The following LRRFIP1 variants were observed in gnomAD, a reference collection of about 807,000 sequenced individuals.
The protein encoded by LRRFIP1 is LRR binding FLII interacting protein 1, also known as leucine-rich repeat flightless-interacting protein 1.
Under a neutral mutation model 104.4 loss-of-function variants are expected in LRRFIP1, and 62 were observed. The ratio of observed to expected loss-of-function variants is 0.59; its 90% CI spans 0.48 to 0.73. The LOEUF is 0.73. Among genes scored for constraint, LRRFIP1 ranks in the 30% least tolerant of loss-of-function variants. LRRFIP1 has a pLI of 0.00. For missense variants in LRRFIP1, 796 were observed against 824.5 expected (o/e 0.97, Z 0.42); for synonymous variants, 300 against 299.0 (o/e 1.00, Z -0.03).
chr2:237,741,464 A>C (rs1049851867), intron 11 of LRRFIP1, among the ~76,000 whole-genome samples: 2 of 152,230 alleles, frequency 1.3e-5, no homozygotes, highest in Non-Finnish European at 2.9e-5. Flanking sequence ...AACTACCAGG[A>C]AGAAACATTT....
chr2:237,771,765 G>A (rs756379298), intron 20 of LRRFIP1, among the ~76,000 whole-genome samples: 1 of 152,042 alleles, frequency 6.6e-6, no homozygotes, highest in Non-Finnish European at 1.5e-5. Flanking sequence ...GGCCCTTTCT[G>A]GTTTCTTAGT....
At chr2:237,643,019 G>A (rs1004666101) in intron 1 of LRRFIP1, among the ~76,000 whole-genome samples, 3 of 152,212 alleles carry the variant, frequency 2.0e-5, no homozygotes, top group Admixed American at 6.5e-5. Context: ...ATGAGGTCCC[G>A]ATGAGGCAAC....
At chr2:237,684,628 A>C (rs539295971) in intron 1 of LRRFIP1, among the ~76,000 whole-genome samples, 4 of 152,188 alleles carry the variant, frequency 2.6e-5, no homozygotes, top group Admixed American at 6.5e-5. Flanking sequence ...TTTTAAATGA[A>C]CTATTCTGAG....
chr2:237,766,985 C>T lies in LRRFIP1; in HGVS notation c.1460-2958C>T, dbSNP rs1481477007. 6.6e-6 allele frequency among the ~76,000 whole-genome samples: 1 copy of T among 152,126 alleles called. No individual in the cohort carries two copies. The highest frequency in any genetic ancestry group is 2.4e-5 in the African/African-American group (1 of 41,430). On this transcript the variant is annotated intron_variant, in intron 19 of 23. Transcript: ENST00000308482. The surrounding 1 kb of genome is among the most constrained non-coding windows in gnomAD (Gnocchi z 4.8). ...AGGAGTTCAAGCCCAGCCTGGGCAA[C>T]ATGATGAAAGCCCATCTCTACAAAA...
At position 237,666,915 on chromosome 2, in the gene LRRFIP1, G is replaced by GCTTTCTTTCTTT. The variant is rs144037636; in HGVS notation, c.96+39196_96+39207dup. ...TTCTTTTTTCCCTCCCTGCCTTCCT[G>GCTTTCTTTCTTT]CTTTCTTTCTTTCTTTCTTTCTTTC... On this transcript the variant is annotated intron_variant, in intron 1 of 23. Coordinates refer to ENST00000308482, the MANE Select transcript of LRRFIP1 (RefSeq NM_001137550.2). 1.5e-3 allele frequency among the ~76,000 whole-genome samples: 224 copies of GCTTTCTTTCTTT among 144,918 alleles called. 2 individuals are homozygous for GCTTTCTTTCTTT. The highest frequency in any genetic ancestry group is 5.3e-3 in the African/African-American group (204 of 38,616).
chr2:237,708,187 G>C (rs2093907114), intron 1 of LRRFIP1, among the ~76,000 whole-genome samples: 1 of 152,228 alleles, frequency 6.6e-6, no homozygotes, highest in African/African-American at 2.4e-5. Context: ...CCACCTACAG[G>C]CTGTGTGACC....
At chr2:237,658,672 C>T (rs536252229) in intron 1 of LRRFIP1, among the ~76,000 whole-genome samples, 1 of 152,240 alleles carries the variant, frequency 6.6e-6, no homozygotes, top group South Asian at 2.1e-4. Flanking sequence ...CTTCACAAGG[C>T]GGCAGGAAGG....
At chr2:237,716,809 C>G (rs1270865569) in intron 3 of LRRFIP1, among the ~76,000 whole-genome samples, 2 of 152,142 alleles carry the variant, frequency 1.3e-5, no homozygotes. Context: ...TCCCACCTAC[C>G]TTTGGGATTC....
chr2:237,664,222 G>A (rs2088716875), intron 1 of LRRFIP1, among the ~76,000 whole-genome samples: 1 of 152,258 alleles, frequency 6.6e-6, no homozygotes, highest in African/African-American at 2.4e-5. Flanking sequence ...GGGCCGCAGT[G>A]GGACTGGCAG....
chr2:237,639,002 T>C (rs966054352), intron 1 of LRRFIP1, among the ~76,000 whole-genome samples: 3 of 151,776 alleles, frequency 2.0e-5, no homozygotes, highest in African/African-American at 7.2e-5. Flanking sequence ...CCCAGTCTTC[T>C]TTTTTTTATC....
At chr2:237,679,805 A>G (rs1183153423) in intron 1 of LRRFIP1, among the ~76,000 whole-genome samples, 1 of 152,102 alleles carries the variant, frequency 6.6e-6, no homozygotes, top group East Asian at 1.9e-4. Flanking sequence ...ACAGGGTTTC[A>G]CCATGTTGGT....
chr2:237,730,252 T>A (rs1267446186), intron 8 of LRRFIP1, among the ~76,000 whole-genome samples: 3 of 152,224 alleles, frequency 2.0e-5, no homozygotes, highest in African/African-American at 7.2e-5. Flanking sequence ...GGACTAGACT[T>A]GGAAGGAAAA....
Position 237,733,869 on chromosome 2 carries a change from C to G in LRRFIP1, c.489+51C>G, listed in dbSNP as rs2095127749. 4 of 1,589,468 alleles carry G rather than the reference C, an allele frequency of 2.5e-6. No individual in the cohort carries two copies. The South Asian group carries it at 3.3e-5, about 13-fold the overall frequency. ...CCCGCACCCCCTCCCACTGTGCATG[C>G]ACCGCCCCCACCAAGCCCAGAGCCG... On this transcript the variant is annotated intron_variant, in intron 9 of 23. Coordinates refer to ENST00000308482, the MANE Select transcript of LRRFIP1 (RefSeq NM_001137550.2).
chr2:237,690,832 T>A lies in LRRFIP1; in HGVS notation c.97-17712T>A, dbSNP rs147940787. 1.9e-3 allele frequency among the ~76,000 whole-genome samples: 295 copies of A among 152,260 alleles called. 2 individuals are homozygous for A. Among genetic ancestry groups the A allele is most frequent in the African/African-American group, 6.3e-3 (260 of 41,544 alleles). The stretch of plus-strand genomic sequence containing the variant: ...AAGCTATTGAAAGGTAGGCATTTCA[T>A]TATCTTTGAAAGTTGCTTTTGTGAG... On this transcript the variant is annotated intron_variant, in intron 1 of 23. Coordinates refer to ENST00000308482, the MANE Select transcript of LRRFIP1 (RefSeq NM_001137550.2).
intron 1 of LRRFIP1, among the ~76,000 whole-genome samples, chr2:237,705,808 G>C (rs1396282021): frequency 6.6e-6 from 1 of 152,196 alleles, no homozygotes; most frequent in South Asian, 2.1e-4. Flanking sequence ...GAAGAATTCA[G>C]TTCCTTGTGG....
At chr2:237,673,434 C>G (rs995770938) in intron 1 of LRRFIP1, among the ~76,000 whole-genome samples, 2 of 152,218 alleles carry the variant, frequency 1.3e-5, no homozygotes, top group African/African-American at 2.4e-5. Context: ...TCAGATTCAC[C>G]TTCTCCCTGC....
At chr2:237,739,995 A>G (rs1395040664) in intron 11 of LRRFIP1, among the ~76,000 whole-genome samples, 1 of 152,034 alleles carries the variant, frequency 6.6e-6, no homozygotes, top group African/African-American at 2.4e-5. Flanking sequence ...GGCCGGGGAA[A>G]CAGCTCCAGG....
At chr2:237,640,670 A>G (rs1246614035) in intron 1 of LRRFIP1, among the ~76,000 whole-genome samples, 1 of 152,224 alleles carries the variant, frequency 6.6e-6, no homozygotes, top group Non-Finnish European at 1.5e-5. Context: ...CGAACTTCTT[A>G]AAATAGATGA....
chr2:237,767,022 A>C (rs1225753224), intron 19 of LRRFIP1, among the ~76,000 whole-genome samples: 1 of 152,062 alleles, frequency 6.6e-6, no homozygotes, highest in Non-Finnish European at 1.5e-5. Context: ...AAATATACAA[A>C]CAATTAGCCA....
Sources: allele counts gnomAD v4.1 joint callset (sites outside exome capture counted in the v4.1 genomes callset), GRCh38; gene constraint gnomAD v4.1.1; non-coding constraint Gnocchi (gnomAD v3.1); transcripts MANE v1.5; gene names NCBI Gene and HGNC (gene_info 2026-07-23, HGNC 2026-07-21).